LEMD2: variants seen among roughly 807,000 people sequenced by gnomAD.
LEMD2 encodes the protein LEM domain nuclear envelope protein 2.
A neutral mutation model predicts 58.8 loss-of-function variants in LEMD2; 34 were observed. The ratio of observed to expected loss-of-function variants is 0.58; its 90% CI spans 0.44 to 0.77. The LOEUF (loss-of-function observed/expected upper bound fraction) is 0.77. LEMD2 is among the 30% of genes least tolerant of loss of function. The pLI, the probability that LEMD2 is intolerant of heterozygous loss-of-function variation, is 0.00. For synonymous variants in LEMD2, 298 were observed against 308.9 expected (o/e 0.96, Z 0.37); for missense variants, 629 against 717.9 (o/e 0.88, Z 1.42).
At chr6:33,787,098 A>C (rs1214705831) in intron 1 of LEMD2, 1 of 338,696 alleles carries the variant, frequency 3.0e-6, no homozygotes, top group Non-Finnish European at 5.4e-6. Flanking sequence ...TGCTTAACTC[A>C]GGGAGTTAGG....
chr6:33,780,324 G>T, intron 4 of LEMD2, 145 bp from the exon 5 acceptor site: 2 of 728,634 alleles, frequency 2.7e-6, no homozygotes, highest in Non-Finnish European at 4.9e-6. Context: ...AAAGTGGCAG[G>T]AAGGAAATCG....
chr6:33,778,265 G>C lies in LEMD2; in HGVS notation c.1133C>G (p.Thr378Ser). 1 of 1,604,094 alleles carries C rather than the reference G, an allele frequency of 6.2e-7. No individual in the cohort carries two copies. Among genetic ancestry groups the C allele is most frequent in the Non-Finnish European group, 8.5e-7 (1 of 1,174,912 alleles). Residue 378 changes from threonine (T) to serine (S), a missense_variant, in exon 6 of 9, where the codon ACC becomes AGC. By Grantham distance (58) the Thr-to-Ser change is moderately conservative (BLOSUM62 1). Around this residue, in one of 2 missense-constraint regions of LEMD2, gnomAD observed 243 missense variants for 336.8 expected, o/e 0.72. Transcript: ENST00000293760. This position sits in a 1 kb window ranked among gnomAD's most constrained non-coding sequence, Gnocchi z 4.7. ...ACACCAGAAGAAGATGAGCACGTTG[G>C]TGACAGCAGTGAGCAAGGCCCGGCT... ...RLSRALLTAV[T>S]NVLIFFWCLA...
rs777849681 is a variant in LEMD2 at position 33,778,262 on chromosome 6, T to C, written c.1136A>G (p.Asn379Ser). The C allele has an allele frequency of 3.1e-6, 5 of 1,601,818 alleles. No individual in the cohort carries two copies. Among genetic ancestry groups the C allele is most frequent in the South Asian group, 1.1e-5 (1 of 89,568 alleles). The change falls in exon 6 of 9, where the codon AAC (asparagine) becomes AGC (serine). Residue 379 changes from asparagine (N) to serine (S), a missense_variant. This residue lies in a region of LEMD2 where 243 missense variants were observed against 336.8 expected (regional missense o/e 0.72). Coordinates refer to ENST00000293760, the MANE Select transcript of LEMD2 (RefSeq NM_181336.4). This position sits in a 1 kb window ranked among gnomAD's most constrained non-coding sequence, Gnocchi z 4.7. ...CTTACACCAGAAGAAGATGAGCACGTTGGTGACAGCAGTGAGCAAGGCCCG... is the reference window on the plus strand; with the variant it reads ...CTTACACCAGAAGAAGATGAGCACGCTGGTGACAGCAGTGAGCAAGGCCCG... The part of the protein sequence containing the change: ...LSRALLTAVT[N>S]VLIFFWCLAF...
At chr6:33,781,677 G>T in intron 3 of LEMD2, 1 of 154,000 alleles carries the variant, frequency 6.5e-6, no homozygotes, top group Non-Finnish European at 1.4e-5. Context: ...GAGTGGCTTT[G>T]GAGGCCTGCT....
At chr6:33,784,477 G>GGGGGGGGGGGGGGCCCCCC in intron 2 of LEMD2, 50 bp from the exon 3 acceptor site, 2 of 430,800 alleles carry the variant, frequency 4.6e-6, no homozygotes, top group African/African-American at 2.1e-5. Flanking sequence ...GGTGGGAGGG[G>GGGGGGGGGGGGGGCCCCCC]TCCGTCTGTC....
Position 33,778,419 on chromosome 6 carries a change from G to A in LEMD2, c.1011-32C>T. 6.9e-7 allele frequency: 1 copy of A among 1,452,992 alleles called. No individual in the cohort carries two copies. The highest frequency in any genetic ancestry group is 9.1e-7 in the Non-Finnish European group (1 of 1,093,602). The allele number at this position is 1,452,992 out of a possible 1,614,324, so 90.0% of individuals were successfully genotyped here. On this transcript the variant is annotated intron_variant, in intron 5 of 8. Coordinates refer to ENST00000293760, the MANE Select transcript of LEMD2 (RefSeq NM_181336.4). This position sits in a 1 kb window ranked among gnomAD's most constrained non-coding sequence, Gnocchi z 4.7. ...CAGGACACAGGGCTCTGAACATGTT[G>A]GAAAGCTCCAAGGAGAGGCAGTGCA... is the stretch of plus-strand genomic sequence containing the variant.
In LEMD2 at chr6:33,788,753, A is replaced by G; in HGVS notation, c.364T>C (p.Tyr122His). The change falls in exon 1 of 9, where the codon TAT (tyrosine) becomes CAT (histidine). Residue 122 changes from tyrosine to histidine, a missense_variant. Physicochemically the swap from Tyr to His is moderately conservative, Grantham distance 83. Around this residue, in one of 2 missense-constraint regions of LEMD2, gnomAD observed 386 missense variants for 381.1 expected, o/e 1.01. Coordinates refer to ENST00000293760, the MANE Select transcript of LEMD2 (RefSeq NM_181336.4). ...ASWVGSRGLA[Y>H]PARPAQLRRR... ...CTGAGTTGCGCCGGGCGGGCAGGAT[A>G]GGCGAGGCCGCGGCTCCCTACCCAG... 1 of 1,446,810 alleles carries G rather than the reference A, an allele frequency of 6.9e-7. No individual in the cohort carries two copies. The highest frequency in any genetic ancestry group is 1.3e-5 in the South Asian group (1 of 74,468). 89.6% of individuals were successfully genotyped at this position (1,446,810 alleles called of 1,614,324 possible).
chr6:33,772,602 A>G lies in LEMD2; in HGVS notation c.*26T>C. 1 of 1,604,992 alleles carries G rather than the reference A, an allele frequency of 6.2e-7. No homozygotes were observed. The highest frequency in any genetic ancestry group is 8.5e-7 in the Non-Finnish European group (1 of 1,174,904). On this transcript the variant is annotated 3_prime_UTR_variant, in exon 9 of 9. Transcript: ENST00000293760. ...GAGTGGGCTGTCCTGGGACAGGCTG[A>G]CCGGGAACAAGTCCCCGCCCGGGGC...
intron 3 of LEMD2, among the ~76,000 whole-genome samples, chr6:33,783,032 T>C (rs1372991161): frequency 6.6e-6 from 1 of 152,194 alleles, no homozygotes; most frequent in Non-Finnish European, 1.5e-5. Flanking sequence ...TTCTCAACTT[T>C]AGGGTGCACT....
At position 33,788,541 on chromosome 6, in the gene LEMD2, A is replaced by G; in HGVS notation, c.576T>C (p.Pro192=). The change falls in exon 1 of 9, where the codon CCT becomes CCC. Residue 192 remains proline, a synonymous_variant. Transcript: ENST00000293760. The part of the protein sequence containing the change: ...RPGLRATRAG[P]AGAARARPEV... Reference sequence around the variant, plus strand: ...CAGGCCGGGCCCTCGCCGCGCCAGCAGGGCCCGCTCGAGTCGCCCGCAGGC... The same window carrying G: ...CAGGCCGGGCCCTCGCCGCGCCAGCGGGGCCCGCTCGAGTCGCCCGCAGGC... 2 of 1,479,030 alleles carry G rather than the reference A, an allele frequency of 1.4e-6. No individual in the cohort carries two copies. The highest frequency in any genetic ancestry group is 1.3e-5 in the South Asian group (1 of 77,850). 91.6% of individuals were successfully genotyped at this position (1,479,030 alleles called of 1,614,324 possible). A position where few individuals can be genotyped will look rare whatever the true frequency, so the allele number is the denominator to read the frequency against.
chr6:33,772,818 G>A (rs1767335688), intron 8 of LEMD2, 40 bp from the exon 9 acceptor site: 2 of 1,584,910 alleles, frequency 1.3e-6, no homozygotes, highest in East Asian at 4.5e-5. Flanking sequence ...GCACTGCCGA[G>A]GTGAGCCAGC....
intron 6 of LEMD2, 72 bp from the exon 7 acceptor site, chr6:33,777,311 T>C (rs1767454437): frequency 2.0e-6 from 2 of 1,020,144 alleles, no homozygotes; most frequent in African/African-American, 3.2e-5. Flanking sequence ...GACAAGATGC[T>C]GTGATGGATG....
In LEMD2 at chr6:33,788,919, G is replaced by A; in HGVS notation, c.198C>T (p.Ala66=). 5 of 1,475,244 alleles carry A rather than the reference G, an allele frequency of 3.4e-6. No homozygotes were observed. The highest frequency in any genetic ancestry group is 4.5e-6 in the Non-Finnish European group (5 of 1,120,240). The allele number at this position is 1,475,244 out of a possible 1,614,324, so 91.4% of individuals were successfully genotyped here. A position where few individuals can be genotyped will look rare whatever the true frequency, so the allele number is the denominator to read the frequency against. ...GCAGCGGCGCATCCTCGCGTAACCG[G>A]GCCTCTTCCCGTAACCGCTCCTCGC... ...PRGEERLREE[A]RLREDAPLRA... Residue 66 remains alanine, a synonymous_variant, in exon 1 of 9, where the codon GCC becomes GCT. Coordinates refer to ENST00000293760, the MANE Select transcript of LEMD2 (RefSeq NM_181336.4).
In LEMD2 at chr6:33,788,816, G is replaced by T. The variant is rs1767750892; in HGVS notation, c.301C>A (p.Pro101Thr). The T allele has an allele frequency of 1.4e-5, 20 of 1,441,494 alleles. No homozygotes were observed. The East Asian group carries it at 5.2e-4, about 38-fold the overall frequency. 89.3% of individuals were successfully genotyped at this position (1,441,494 alleles called of 1,614,324 possible). A position where few individuals can be genotyped will look rare whatever the true frequency, so the allele number is the denominator to read the frequency against. The change falls in exon 1 of 9, where the codon CCT becomes ACT. Residue 101 changes from proline (P) to threonine (T), a missense_variant. This residue lies in a region of LEMD2 where 386 missense variants were observed against 381.1 expected (regional missense o/e 1.01). Transcript: ENST00000293760. The stretch of plus-strand genomic sequence containing the variant: ...GGCCGGATATCACCGTAGGCCCCAG[G>T]GGTCGCGTAGGCCGAGCCCGAGGCC... The part of the protein sequence containing the change: ...QPASGSAYAT[P>T]GAYGDIRPSA...
At chr6:33,784,308 T>C (rs1561926761) in intron 3 of LEMD2, 44 bp downstream of exon 3, 7 of 1,462,836 alleles carry the variant, frequency 4.8e-6, no homozygotes, top group South Asian at 1.1e-5. Flanking sequence ...CAGCCGCCCA[T>C]AGCTCTCACA....
chr6:33,773,470 A>G (rs556636034), intron 8 of LEMD2, among the ~76,000 whole-genome samples: 55 of 152,146 alleles, frequency 3.6e-4, no homozygotes, highest in Middle Eastern at 6.8e-3. Context: ...CACAGCCCCC[A>G]GCCTTTTCTC....
In LEMD2 at chr6:33,778,917, G is replaced by C. The variant is rs556838529; in HGVS notation, c.1011-530C>G. The C allele has an allele frequency of 6.6e-6, 1 of 152,188 alleles. No homozygotes were observed. The highest frequency in any genetic ancestry group is 1.5e-5 in the Non-Finnish European group (1 of 68,078). The allele number at this position is 152,188 out of a possible 1,614,324, so 9.4% of individuals were successfully genotyped here. On this transcript the variant is annotated intron_variant, in intron 5 of 8. Coordinates refer to ENST00000293760, the MANE Select transcript of LEMD2 (RefSeq NM_181336.4). The surrounding 1 kb of genome is among the most constrained non-coding windows in gnomAD (Gnocchi z 4.7). ...CTCTCCGAGGCCAGACCCCAGCCAC[G>C]GCGCCTCCACCATGGTCTCTGGCCA...
In LEMD2 at chr6:33,778,594, A is replaced by C. The variant is rs1767492524; in HGVS notation, c.1011-207T>G. On this transcript the variant is annotated intron_variant, in intron 5 of 8. Coordinates refer to ENST00000293760, the MANE Select transcript of LEMD2 (RefSeq NM_181336.4). This position sits in a 1 kb window ranked among gnomAD's most constrained non-coding sequence, Gnocchi z 4.7. The stretch of plus-strand genomic sequence containing the variant: ...TGAATAAAGCTTTAAAGACGGCAGC[A>C]GGCTTGAACCCCTACCGCTAAAGCA... The C allele has an allele frequency of 2.5e-6, 1 of 403,048 alleles. No homozygotes were observed. The highest frequency in any genetic ancestry group is 3.7e-5 in the East Asian group (1 of 27,320). 25.0% of individuals were successfully genotyped at this position (403,048 alleles called of 1,614,324 possible). A position where few individuals can be genotyped will look rare whatever the true frequency, so the allele number is the denominator to read the frequency against.
intron 1 of LEMD2, among the ~76,000 whole-genome samples, chr6:33,787,909 G>A (rs1767717437): frequency 2.6e-5 from 4 of 152,250 alleles, no homozygotes; most frequent in Admixed American, 2.6e-4. Flanking sequence ...AAGAAGTGGA[G>A]AGTGGACTTT....
Sources: allele counts gnomAD v4.1 joint callset (sites outside exome capture counted in the v4.1 genomes callset), GRCh38; gene constraint gnomAD v4.1.1; regional missense constraint gnomAD v4.1.1; non-coding constraint Gnocchi (gnomAD v3.1); transcripts MANE v1.5; gene names NCBI Gene and HGNC (gene_info 2026-07-23, HGNC 2026-07-21).